LTBP1: variants seen among roughly 807,000 people sequenced by gnomAD.
LTBP1 encodes latent-transforming growth factor beta-binding protein 1.
In LTBP1, 129 loss-of-function variants were observed where a neutral mutation model predicts 207.6. The observed-to-expected ratio is 0.62, with a 90% CI of 0.54 to 0.72. The LOEUF (loss-of-function observed/expected upper bound fraction) is 0.72, where lower values mean the gene tolerates loss of function less well. Among genes scored for constraint, LTBP1 ranks in the 30% least tolerant of loss-of-function variants. The pLI is 0.00. For missense variants in LTBP1, 2,281 were observed against 2,217.2 expected (o/e 1.03, Z -0.58); for synonymous variants, 963 against 833.7 (o/e 1.16, Z -2.67).
intron 9 of LTBP1, among the ~76,000 whole-genome samples, chr2:33,241,802 C>G (rs530522488): frequency 7.6e-4 from 115 of 152,308 alleles, no homozygotes; most frequent in Non-Finnish European, 1.4e-3. Flanking sequence ...ACCGTGTAAG[C>G]TCCAACTGGA....
chr2:33,021,807 G>C (rs1242312811), intron 3 of LTBP1, among the ~76,000 whole-genome samples: 1 of 151,776 alleles, frequency 6.6e-6, no homozygotes, highest in South Asian at 2.1e-4. Context: ...TTTTCTTAGT[G>C]TTAGGAAGTA....
chr2:33,050,031 C>G (rs548472461), intron 3 of LTBP1, among the ~76,000 whole-genome samples: 10 of 152,060 alleles, frequency 6.6e-5, no homozygotes, highest in Admixed American at 3.3e-4. Context: ...TTGTGTAGAG[C>G]CAGCATCTTG....
In LTBP1 at chr2:33,243,757, C is replaced by T. The variant is rs1356640590; in HGVS notation, c.1972C>T (p.Pro658Ser). 1 of 1,614,016 alleles carries T rather than the reference C, an allele frequency of 6.2e-7. No homozygotes were observed. The highest frequency in any genetic ancestry group is 8.5e-7 in the Non-Finnish European group (1 of 1,179,952). ...ATGTACCTGCAAAATAGGATTTGGGCCGGATCCTACCTTTTCAAGTTGTGT... is the reference window on the plus strand; with the variant it reads ...ATGTACCTGCAAAATAGGATTTGGGTCGGATCCTACCTTTTCAAGTTGTGT... Reference protein sequence around the residue: ...YRCTCKIGFGPDPTFSSCVPD... With the variant: ...YRCTCKIGFGSDPTFSSCVPD... The change falls in exon 10 of 34, where the codon CCG becomes TCG. Residue 658 changes from proline (P) to serine (S), a missense_variant. Physicochemically the swap from Pro to Ser is moderately conservative, Grantham distance 74. Coordinates refer to ENST00000404816, the MANE Select transcript of LTBP1 (RefSeq NM_206943.4).
intron 3 of LTBP1, among the ~76,000 whole-genome samples, chr2:33,037,758 C>T (rs1456320502): frequency 1.3e-5 from 2 of 152,182 alleles, no homozygotes; most frequent in Non-Finnish European, 2.9e-5. Context: ...CACTCTGTCG[C>T]TCAGGCTAGA....
intron 11 of LTBP1, among the ~76,000 whole-genome samples, chr2:33,255,457 T>A (rs2092823965): frequency 6.6e-6 from 1 of 152,088 alleles, no homozygotes; most frequent in South Asian, 2.1e-4. Flanking sequence ...AGAAATACCA[T>A]TTGACCCAGC....
At chr2:33,169,218 G>A (rs1283775026) in intron 5 of LTBP1, among the ~76,000 whole-genome samples, 1 of 152,124 alleles carries the variant, frequency 6.6e-6, no homozygotes, top group East Asian at 1.9e-4. Context: ...CTCTGCTTTT[G>A]TGTGAGTCCT....
At position 33,259,629 on chromosome 2, in the gene LTBP1, G is replaced by A. The variant is rs377338218; in HGVS notation, c.2418+19G>A. 6.3e-6 allele frequency: 10 copies of A among 1,591,456 alleles called. No homozygotes were observed. The African/African-American group carries it at 1.1e-4, about 17-fold the overall frequency. The stretch of plus-strand genomic sequence containing the variant: ...TGAAAAGGTAATTTATTCATTGCTT[G>A]CAAGTCTTTTTTTTTCAACGCTCAA... On this transcript the variant is annotated intron_variant, in intron 13 of 33. Transcript: ENST00000404816.
chr2:33,168,080 G>A (rs537766862), intron 5 of LTBP1, among the ~76,000 whole-genome samples: 2 of 152,290 alleles, frequency 1.3e-5, no homozygotes, highest in South Asian at 4.1e-4. Context: ...GTGCATAGTT[G>A]TAAGAACAGA....
intron 7 of LTBP1, among the ~76,000 whole-genome samples, chr2:33,208,413 T>C (rs2367624): frequency 0.55 from 83,208 of 152,006 alleles, 22,919 homozygotes; most frequent in Middle Eastern, 0.61. Context: ...ATTTAAGAGC[T>C]GTAACTCTTC....
At chr2:33,095,004 G>T (rs1464071981) in intron 3 of LTBP1, among the ~76,000 whole-genome samples, 2 of 152,080 alleles carry the variant, frequency 1.3e-5, no homozygotes, top group African/African-American at 4.8e-5. Flanking sequence ...CTGTTGCTAT[G>T]AAACCAAAAA....
chr2:33,085,424 C>G (rs941466474), intron 3 of LTBP1, among the ~76,000 whole-genome samples: 5 of 152,332 alleles, frequency 3.3e-5, no homozygotes, highest in Middle Eastern at 3.4e-3. Flanking sequence ...AGTTTACCTT[C>G]AGGACAGGTT....
At chr2:33,224,794 A>G (rs777967832) in intron 9 of LTBP1, among the ~76,000 whole-genome samples, 38 of 152,156 alleles carry the variant, frequency 2.5e-4, no homozygotes, top group Non-Finnish European at 5.0e-4. Context: ...TACCTGTGCT[A>G]TATTTGTTTT....
At chr2:33,258,672 G>A (rs1210038188) in intron 12 of LTBP1, among the ~76,000 whole-genome samples, 3 of 152,174 alleles carry the variant, frequency 2.0e-5, no homozygotes, top group Non-Finnish European at 4.4e-5. Context: ...TCCAGATTTT[G>A]CCTCAAGACC....
At chr2:33,305,489 A>G (rs375181549) in intron 22 of LTBP1, among the ~76,000 whole-genome samples, 1 of 152,202 alleles carries the variant, frequency 6.6e-6, no homozygotes. Context: ...TTAATCATTT[A>G]TGGGTAGAGC....
intron 5 of LTBP1, among the ~76,000 whole-genome samples, chr2:33,174,812 T>C (rs2085853367): frequency 1.3e-5 from 2 of 152,088 alleles, no homozygotes; most frequent in South Asian, 2.1e-4. Context: ...AACAGAGATA[T>C]AGATCAATGG....
intron 20 of LTBP1, among the ~76,000 whole-genome samples, chr2:33,294,575 A>T (rs866794658): frequency 0.046 from 5,797 of 126,006 alleles, 713 homozygotes; most frequent in African/African-American, 0.15. Flanking sequence ...ATTGGGTAAA[A>T]TTTTTTTTTT....
chr2:33,159,801 A>G lies in LTBP1; in HGVS notation c.1201+24841A>G, dbSNP rs569038742. Among the ~76,000 whole-genome samples the G allele has an allele frequency of 3.3e-5, 5 of 152,158 alleles. No individual in the cohort carries two copies. In the South Asian group the frequency reaches 6.2e-4, roughly 19 times the overall value. ...TTAGTTTTAGCCATTGTCACATGCT[A>G]TTTTTCTGCATCCCAAGACCAATGG... is the stretch of plus-strand genomic sequence containing the variant. On this transcript the variant is annotated intron_variant, in intron 5 of 33. Coordinates refer to ENST00000404816, the MANE Select transcript of LTBP1 (RefSeq NM_206943.4).
chr2:32,997,188 A>T (rs1471049431), intron 2 of LTBP1, among the ~76,000 whole-genome samples: 1 of 151,968 alleles, frequency 6.6e-6, no homozygotes, highest in Non-Finnish European at 1.5e-5. Context: ...CCCGGCCTGG[A>T]TGGAACTTAA....
At chr2:33,242,116 C>G (rs1445619953) in intron 9 of LTBP1, among the ~76,000 whole-genome samples, 1 of 152,084 alleles carries the variant, frequency 6.6e-6, no homozygotes, top group Non-Finnish European at 1.5e-5. Flanking sequence ...ATTGCATGCT[C>G]TGAGTAAAAT....
Sources: allele counts gnomAD v4.1 joint callset (sites outside exome capture counted in the v4.1 genomes callset), GRCh38; gene constraint gnomAD v4.1.1; transcripts MANE v1.5; gene names NCBI Gene and HGNC (gene_info 2026-07-23, HGNC 2026-07-21).